Variants in PCDHGB1 observed in about 807,000 individuals in gnomAD.
PCDHGB1 encodes protocadherin gamma subfamily B, 1, also known as protocadherin gamma-B1.
Under a neutral mutation model 56.6 loss-of-function variants are expected in PCDHGB1, and 34 were observed. That is an observed-to-expected ratio of 0.60 (90% confidence interval 0.46 to 0.80). The LOEUF (loss-of-function observed/expected upper bound fraction) is 0.80, where lower values mean the gene tolerates loss of function less well. PCDHGB1 is among the 30% of genes least tolerant of loss of function. The pLI, the probability that PCDHGB1 is intolerant of heterozygous loss-of-function variation, is 0.00. For missense variants in PCDHGB1, 1,278 were observed against 1,204.6 expected (o/e 1.06, Z -0.90); for synonymous variants, 561 against 505.9 (o/e 1.11, Z -1.46).
Position 141,491,994 on chromosome 5 carries a change from C to T in PCDHGB1, c.2410-2813C>T. On this transcript the variant is annotated intron_variant, in intron 1 of 3. Transcript: ENST00000523390. This position sits in a 1 kb window ranked among gnomAD's most constrained non-coding sequence, Gnocchi z 6.9. ...CCTCCTTCGAGCTTCCGGTGAATTT[C>T]GGGCGATTTCCGCGGGTGTCGGGGG... The T allele has an allele frequency of 4.3e-6, 3 of 693,016 alleles. No individual in the cohort carries two copies. The allele number at this position is 693,016 out of a possible 1,614,324, so 42.9% of individuals were successfully genotyped here.
chr5:141,389,322 G>C lies in PCDHGB1; in HGVS notation c.2409+36653G>C, dbSNP rs752301649. ...AGTCAGGGCTTCTGATCCGGACTTG[G>C]GGCCCAACGGCCAAGTCTCTTACTG... On this transcript the variant is annotated intron_variant, in intron 1 of 3. Transcript: ENST00000523390. 2 of 1,613,984 alleles carry C rather than the reference G, an allele frequency of 1.2e-6. No homozygotes were observed. Among genetic ancestry groups the C allele is most frequent in the East Asian group, 2.2e-5 (1 of 44,880 alleles).
chr5:141,366,300 C>T (rs761287216), intron 1 of PCDHGB1: 8 of 1,613,654 alleles, frequency 5.0e-6, no homozygotes, highest in Non-Finnish European at 6.8e-6. Flanking sequence ...CTGTCAGCCA[C>T]CTTCACGGTC....
At chr5:141,357,190 G>C (rs1760504404) in intron 1 of PCDHGB1, 1 of 1,613,670 alleles carries the variant, frequency 6.2e-7, no homozygotes, top group Admixed American at 1.7e-5. Context: ...CACTGTGGCT[G>C]TGGCCGACAG....
intron 1 of PCDHGB1, among the ~76,000 whole-genome samples, chr5:141,459,742 T>C (rs2098974738): frequency 6.6e-6 from 1 of 152,248 alleles, no homozygotes; most frequent in Non-Finnish European, 1.5e-5. Context: ...TTTTAAATTT[T>C]AGCAATTCTA....
Position 141,363,485 on chromosome 5 carries a change from T to A in PCDHGB1, c.2409+10816T>A, listed in dbSNP as rs1022472652. On this transcript the variant is annotated intron_variant, in intron 1 of 3. Transcript: ENST00000523390. ...ATCTGCTCATGCTTTCCTGCATGGATGATGAAATAAAACCCCATCCTCCAC... is the reference window on the plus strand; with the variant it reads ...ATCTGCTCATGCTTTCCTGCATGGAAGATGAAATAAAACCCCATCCTCCAC... Among the ~76,000 whole-genome samples the A allele has an allele frequency of 5.9e-5, 9 of 152,236 alleles. No homozygotes were observed. The East Asian group carries it at 1.5e-3, about 26-fold the overall frequency.
intron 2 of PCDHGB1, among the ~76,000 whole-genome samples, chr5:141,503,088 C>T (rs1003234288): frequency 4.0e-5 from 6 of 151,864 alleles, no homozygotes; most frequent in Admixed American, 1.3e-4. Context: ...CTCCTGACCT[C>T]GTGGTCTGCC....
At chr5:141,377,605 C>T (rs572021306) in intron 1 of PCDHGB1, 1 of 140,680 alleles carries the variant, frequency 7.1e-6, no homozygotes, top group Admixed American at 7.1e-5. Context: ...CTCTCTCTCT[C>T]AAAAAAAAAA....
chr5:141,401,283 G>A (rs751622626), intron 1 of PCDHGB1, among the ~76,000 whole-genome samples: 2 of 152,044 alleles, frequency 1.3e-5, no homozygotes, highest in Non-Finnish European at 2.9e-5. Flanking sequence ...TGGAGGTTGC[G>A]GTGAGCCGAG....
chr5:141,356,222 A>G (rs759995020), intron 1 of PCDHGB1: 1 of 1,598,310 alleles, frequency 6.3e-7, no homozygotes, highest in South Asian at 1.1e-5. Context: ...CTGGATGAAA[A>G]TGACAACGCA....
intron 1 of PCDHGB1, chr5:141,365,843 G>C: frequency 6.2e-7 from 1 of 1,613,912 alleles, no homozygotes; most frequent in Non-Finnish European, 8.5e-7. Flanking sequence ...GTCCTCCTAT[G>C]TATCCATTAA....
At chr5:141,500,278 G>A (rs1338703900) in intron 2 of PCDHGB1, among the ~76,000 whole-genome samples, 2 of 150,508 alleles carry the variant, frequency 1.3e-5, no homozygotes, top group East Asian at 2.0e-4. Context: ...GCGCAATCTC[G>A]GCTCACTGCA....
At chr5:141,450,810 AT>A (rs755484062) in intron 1 of PCDHGB1, among the ~76,000 whole-genome samples, 1 of 136,728 alleles carries the variant, frequency 7.3e-6, no homozygotes, top group Admixed American at 7.3e-5. Context: ...TTATTTATTT[AT>A]TTAATATTAT....
intron 1 of PCDHGB1, chr5:141,405,510 C>T: frequency 1.4e-6 from 1 of 732,922 alleles, no homozygotes; most frequent in Non-Finnish European, 2.2e-6. Context: ...ACCTCCGCCT[C>T]CCAAATTCAA....
rs377387694 is a variant in PCDHGB1 at position 141,366,375 on chromosome 5, T to C, written c.2409+13706T>C. 67 of 1,614,096 alleles carry C rather than the reference T, an allele frequency of 4.2e-5. No individual in the cohort carries two copies. Among genetic ancestry groups the C allele is most frequent in the East Asian group, 1.8e-4 (8 of 44,892 alleles). ...GACCTAGGCAGTATCAAGACCCCCA[T>C]TGACCCTGAGGATCTGGACCTCACA... On this transcript the variant is annotated intron_variant, in intron 1 of 3. Transcript: ENST00000523390.
intron 1 of PCDHGB1, among the ~76,000 whole-genome samples, chr5:141,442,810 T>C (rs2098345227): frequency 6.6e-6 from 1 of 152,222 alleles, no homozygotes; most frequent in Non-Finnish European, 1.5e-5. Context: ...ATTCAAATTG[T>C]ACTGATCCAA....
At chr5:141,366,062 G>A in intron 1 of PCDHGB1, 5 of 1,614,234 alleles carry the variant, frequency 3.1e-6, no homozygotes, top group Non-Finnish European at 4.2e-6. Context: ...CGTGGAGCTG[G>A]CGCCTCGCTC....
At chr5:141,360,215 G>C (rs777537456) in intron 1 of PCDHGB1, 30 of 1,613,432 alleles carry the variant, frequency 1.9e-5, no homozygotes, top group Non-Finnish European at 2.5e-5. Flanking sequence ...TTGTTCCCCG[G>C]GGCTCTCCCA....
At chr5:141,375,803 G>A (rs1771910516) in intron 1 of PCDHGB1, 5 of 1,614,234 alleles carry the variant, frequency 3.1e-6, no homozygotes, top group Non-Finnish European at 4.2e-6. Flanking sequence ...CGGTTCCACT[G>A]GCGTGGAGCT....
intron 1 of PCDHGB1, chr5:141,419,136 A>G: frequency 1.9e-6 from 3 of 1,613,918 alleles, no homozygotes; most frequent in Non-Finnish European, 1.7e-6. Context: ...GCAGCCACAG[A>G]CAGGGGCAAG....
Sources: allele counts gnomAD v4.1 joint callset (sites outside exome capture counted in the v4.1 genomes callset), GRCh38; gene constraint gnomAD v4.1.1; non-coding constraint Gnocchi (gnomAD v3.1); transcripts MANE v1.5; gene names NCBI Gene and HGNC (gene_info 2026-07-23, HGNC 2026-07-21).